Variants in SMPD4 observed in about 807,000 individuals in gnomAD.
SMPD4 encodes the protein neutral sphingomyelinase 3.
SMPD4 carries 58 observed loss-of-function variants against 97.8 expected under a neutral mutation model. The observed-to-expected ratio is 0.59, with a 90% CI of 0.48 to 0.74. The LOEUF (loss-of-function observed/expected upper bound fraction) is 0.74. SMPD4 is among the 30% of genes least tolerant of loss of function. The pLI, the probability that SMPD4 is intolerant of heterozygous loss-of-function variation, is 0.00. For synonymous variants in SMPD4, 388 were observed against 450.0 expected, an observed-to-expected ratio of 0.86 and a Z score of 1.74; for missense variants, 853 against 1,080.5, an observed-to-expected ratio of 0.79 and a Z score of 2.95.
chr2:130,170,458 C>CAAAAA (rs556058599), intron 8 of SMPD4, among the ~76,000 whole-genome samples: 1 of 64,682 alleles, frequency 1.5e-5, no homozygotes, highest in African/African-American at 6.2e-5. Flanking sequence ...AAGACCCTGT[C>CAAAAA]AAAAAAAAAA....
Position 130,164,564 on chromosome 2 carries a change from C to T in SMPD4, c.793-119G>A, listed in dbSNP as rs1402216053. Reference sequence around the variant, plus strand: ...GAACACAGAATACCCATGTGCAGAACAGTGAAGCTGGGCCCTTCCTTCACA... The same window carrying T: ...GAACACAGAATACCCATGTGCAGAATAGTGAAGCTGGGCCCTTCCTTCACA... On this transcript the variant is annotated intron_variant, in intron 9 of 19. Coordinates refer to ENST00000680298, the MANE Select transcript of SMPD4 (RefSeq NM_017951.5). The T allele has an allele frequency of 2.2e-5, 17 of 785,654 alleles. No homozygotes were observed. In the South Asian group the frequency reaches 2.6e-4, roughly 12 times the overall value. 48.7% of individuals were successfully genotyped at this position (785,654 alleles called of 1,614,324 possible).
rs182909149 is a variant in SMPD4 at position 130,166,991 on chromosome 2, G to A, written c.792+467C>T. 2.0e-5 allele frequency among the ~76,000 whole-genome samples: 3 copies of A among 152,368 alleles called. No homozygotes were observed. The East Asian group carries it at 5.8e-4, about 29-fold the overall frequency. On this transcript the variant is annotated intron_variant, in intron 9 of 19. Coordinates refer to ENST00000680298, the MANE Select transcript of SMPD4 (RefSeq NM_017951.5). ...AATGACATTCAAGTTAAAAGGGTGG[G>A]CAGATTTACTTTCATGTTTTCTAAA...
chr2:130,154,235 G>C (rs1686531551), intron 16 of SMPD4, 42 bp downstream of exon 16: 1 of 1,538,970 alleles, frequency 6.5e-7, no homozygotes, highest in Non-Finnish European at 8.7e-7. Flanking sequence ...TCAGCCCCAT[G>C]GCTCCAGGGG....
chr2:130,179,549 G>A (rs1689296597), intron 1 of SMPD4, among the ~76,000 whole-genome samples: 1 of 151,858 alleles, frequency 6.6e-6, no homozygotes, highest in Admixed American at 6.6e-5. Context: ...ACCACAGGCT[G>A]CCTAATTTTT....
upstream of SMPD4, chr2:130,181,710 G>A (rs1178854581): frequency 1.3e-6 from 2 of 1,548,502 alleles, no homozygotes; most frequent in Non-Finnish European, 1.7e-6. Context: ...GGCCGGGCGG[G>A]GAAGAGAAAT....
At chr2:130,158,181 C>T (rs1401754221) in intron 11 of SMPD4, 14 of 1,277,312 alleles carry the variant, frequency 1.1e-5, no homozygotes, top group Non-Finnish European at 1.4e-5. Flanking sequence ...CAATTCCTCC[C>T]ACCTGCTCCT....
At chr2:130,176,885 G>C (rs1364014603) in intron 1 of SMPD4, among the ~76,000 whole-genome samples, 1 of 152,136 alleles carries the variant, frequency 6.6e-6, no homozygotes, top group Non-Finnish European at 1.5e-5. Flanking sequence ...ATGTTGCCCA[G>C]GCTAGTTTGT....
At chr2:130,153,220 C>T (rs1406563306) in intron 18 of SMPD4, 49 bp from the exon 19 acceptor site, 1 of 1,613,264 alleles carries the variant, frequency 6.2e-7, no homozygotes, top group Admixed American at 1.7e-5. Context: ...GCCCCACACA[C>T]AACTCAGAGG....
chr2:130,170,519 A>C (rs1307590704), intron 8 of SMPD4, among the ~76,000 whole-genome samples: 1 of 150,022 alleles, frequency 6.7e-6, no homozygotes, highest in African/African-American at 2.5e-5. Context: ...TAATCTCTGA[A>C]CTTTGGGAGG....
Position 130,167,457 on chromosome 2 carries a change from C to A in SMPD4, c.792+1G>T. 2.5e-6 allele frequency: 4 copies of A among 1,613,258 alleles called. No homozygotes were observed. Among genetic ancestry groups the A allele is most frequent in the Non-Finnish European group, 2.5e-6 (3 of 1,179,764 alleles). On this transcript the variant is annotated splice_donor_variant, in intron 9 of 19. Coordinates refer to ENST00000680298, the MANE Select transcript of SMPD4 (RefSeq NM_017951.5). LOFTEE classifies it high-confidence loss of function. Reference sequence around the variant, plus strand: ...TTTCTTTTGACCAGCTCAACTCTCACCTGGAGCAGAGTTTCTGACCTCCAG... The same window carrying A: ...TTTCTTTTGACCAGCTCAACTCTCAACTGGAGCAGAGTTTCTGACCTCCAG...
chr2:130,173,491 T>C (rs1283098352), intron 4 of SMPD4, 23 bp downstream of exon 4: 1 of 1,589,256 alleles, frequency 6.3e-7, no homozygotes, highest in African/African-American at 1.3e-5. Context: ...ACCCAGCCTC[T>C]CTCCGGTGAC....
At chr2:130,177,076 TCTCATGTCTTA>T (rs1689041075) in intron 1 of SMPD4, among the ~76,000 whole-genome samples, 1 of 152,114 alleles carries the variant, frequency 6.6e-6, no homozygotes, top group African/African-American at 2.4e-5. Context: ...CATTGCCAAT[TCTCATGTCTTA>T]CTTATTGATT....
In SMPD4 at chr2:130,153,233, C is replaced by G. The variant is rs1161429262; in HGVS notation, c.2026-62G>C. On this transcript the variant is annotated intron_variant, in intron 18 of 19. Transcript: ENST00000680298. The stretch of plus-strand genomic sequence containing the variant: ...CAGCCCCACACACAACTCAGAGGAG[C>G]CTGATGGCCTCTGCTCACAAGGGAG... 1.9e-6 allele frequency: 3 copies of G among 1,612,934 alleles called. No homozygotes were observed. The Admixed American group carries it at 5.0e-5, about 27-fold the overall frequency.
chr2:130,181,010 C>G (rs1689540921), intron 1 of SMPD4, among the ~76,000 whole-genome samples: 1 of 152,178 alleles, frequency 6.6e-6, no homozygotes, highest in African/African-American at 2.4e-5. Context: ...GTTTTTCTGA[C>G]AGCGACAGCC....
At chr2:130,181,682 G>T (rs925180676), upstream of SMPD4, 1 of 1,548,422 alleles carries the variant, frequency 6.5e-7, no homozygotes, top group Non-Finnish European at 8.7e-7. Flanking sequence ...CAAAAGGCGC[G>T]TGCGCAAAGC....
chr2:130,172,658 T>C lies in SMPD4; in HGVS notation c.474A>G (p.Ile158Met), dbSNP rs370147638. 1.7e-5 allele frequency: 28 copies of C among 1,614,146 alleles called. No homozygotes were observed. The highest frequency in any genetic ancestry group is 2.2e-5 in the Non-Finnish European group (26 of 1,180,010). ...TGATGAGGCTCAAGGCAAAGAAGAA[T>C]ATGTAATACTCGAACGGATCTGAGA... is the stretch of plus-strand genomic sequence containing the variant. ...NLALNPFEYY[I>M]FFFALSLITQ... The change falls in exon 7 of 20, where the codon ATA (isoleucine) becomes ATG (methionine). Residue 158 changes from isoleucine to methionine, a missense_variant. Physicochemically the swap from Ile to Met is conservative, Grantham distance 10. Transcript: ENST00000680298.
chr2:130,170,244 T>G (rs1407232298), intron 8 of SMPD4, among the ~76,000 whole-genome samples: 1 of 151,574 alleles, frequency 6.6e-6, no homozygotes, highest in African/African-American at 2.4e-5. Flanking sequence ...CCCAGCACTT[T>G]AGGGGGTCGA....
intron 8 of SMPD4, among the ~76,000 whole-genome samples, chr2:130,170,836 G>A (rs1446967016): frequency 5.9e-5 from 9 of 151,656 alleles, no homozygotes; most frequent in East Asian, 2.0e-4. Context: ...CAAGGTGGAC[G>A]GATTGCCTGA....
intron 7 of SMPD4, 51 bp downstream of exon 7, chr2:130,172,574 A>C (rs2104899372): frequency 6.2e-7 from 1 of 1,613,834 alleles, no homozygotes; most frequent in East Asian, 2.2e-5. Context: ...AGTGCAGGGA[A>C]GCCCTGGGCC....
Sources: gnomAD v4.1 joint callset for allele counts (sites outside exome capture counted in the v4.1 genomes callset) on GRCh38, gnomAD v4.1.1 for gene constraint, MANE v1.5 for transcripts, NCBI Gene and HGNC (gene_info 2026-07-23, HGNC 2026-07-21) for gene names.